The following MAPKAP1 variants were observed in gnomAD, a reference collection of about 807,000 sequenced individuals.
The protein encoded by MAPKAP1 is MAPK associated protein 1, also known as target of rapamycin complex 2 subunit MAPKAP1.
MAPKAP1 carries 20 observed loss-of-function variants against 65.7 expected under a neutral mutation model. That is an observed-to-expected ratio of 0.30 (90% confidence interval 0.21 to 0.44). The LOEUF (loss-of-function observed/expected upper bound fraction) is 0.44, where lower values mean the gene tolerates loss of function less well. Among genes scored for constraint, MAPKAP1 ranks in the 20% least tolerant of loss-of-function variants. The probability of loss-of-function intolerance (pLI) is 1.00; values close to 1 mark genes in which losing one functional copy is unlikely to be tolerated. For missense variants in MAPKAP1, 423 were observed against 648.0 expected, an observed-to-expected ratio of 0.65 and a Z score of 3.77; for synonymous variants, 222 against 244.3, an observed-to-expected ratio of 0.91 and a Z score of 0.85.
At chr9:125,449,488 G>A (rs980205170) in intron 10 of MAPKAP1, among the ~76,000 whole-genome samples, 5 of 152,128 alleles carry the variant, frequency 3.3e-5, no homozygotes, top group African/African-American at 7.2e-5. Flanking sequence ...GTATAAATGT[G>A]GCATCTAAGC....
intron 5 of MAPKAP1, among the ~76,000 whole-genome samples, chr9:125,566,615 T>C (rs1831063058): frequency 6.6e-6 from 1 of 151,852 alleles, no homozygotes; most frequent in Admixed American, 6.5e-5. Context: ...GACTTCTTCA[T>C]TCACTTGGAT....
At chr9:125,698,131 T>A (rs1835439238) in intron 1 of MAPKAP1, among the ~76,000 whole-genome samples, 1 of 151,104 alleles carries the variant, frequency 6.6e-6, no homozygotes, top group Non-Finnish European at 1.5e-5. Flanking sequence ...GTTTTGCTAC[T>A]CACGCATGCG....
In MAPKAP1 at chr9:125,447,251, A is replaced by G; in HGVS notation, c.1346-2653T>C. ...AGGAAGAGTGAAGCAGGTGAGGAGG[A>G]GGAAGAGTCCCAACATTCCCCCACT... On this transcript the variant is annotated intron_variant, in intron 10 of 11. Coordinates refer to ENST00000265960, the MANE Select transcript of MAPKAP1 (RefSeq NM_001006617.3). This position sits in a 1 kb window ranked among gnomAD's most constrained non-coding sequence, Gnocchi z 4.5. 2 of 381,786 alleles carry G rather than the reference A, an allele frequency of 5.2e-6. No individual in the cohort carries two copies. The highest frequency in any genetic ancestry group is 1.9e-5 in the South Asian group (1 of 52,006). 23.6% of individuals were successfully genotyped at this position (381,786 alleles called of 1,614,324 possible). A position where few individuals can be genotyped will look rare whatever the true frequency, so the allele number is the denominator to read the frequency against.
At chr9:125,522,248 G>A (rs1439795807) in intron 7 of MAPKAP1, among the ~76,000 whole-genome samples, 1 of 152,086 alleles carries the variant, frequency 6.6e-6, no homozygotes, top group African/African-American at 2.4e-5. Flanking sequence ...GCTCTTTTTT[G>A]CTTCTAATTT....
intron 7 of MAPKAP1, among the ~76,000 whole-genome samples, chr9:125,538,861 A>C (rs1830151556): frequency 6.6e-6 from 1 of 152,176 alleles, no homozygotes; most frequent in Non-Finnish European, 1.5e-5. Context: ...ATAGCTACAG[A>C]TACGTTATGG....
At chr9:125,578,854 G>C (rs960107595) in intron 5 of MAPKAP1, among the ~76,000 whole-genome samples, 1 of 152,188 alleles carries the variant, frequency 6.6e-6, no homozygotes, top group Non-Finnish European at 1.5e-5. Flanking sequence ...ATAGAAATAA[G>C]TAATTAAGGA....
intron 1 of MAPKAP1, among the ~76,000 whole-genome samples, chr9:125,705,949 AGC>A: frequency 6.6e-6 from 1 of 152,208 alleles, no homozygotes; most frequent in Admixed American, 6.5e-5. Context: ...GGTAACCAGG[AGC>A]CAGATTAGGA....
intron 4 of MAPKAP1, among the ~76,000 whole-genome samples, chr9:125,613,497 AG>A: frequency 6.6e-6 from 1 of 152,310 alleles, no homozygotes; most frequent in East Asian, 1.9e-4. Context: ...ACAACTGTGA[AG>A]GTCCATCCAG....
At chr9:125,609,624 A>G (rs1207000816) in intron 4 of MAPKAP1, among the ~76,000 whole-genome samples, 1 of 152,136 alleles carries the variant, frequency 6.6e-6, no homozygotes, top group Middle Eastern at 3.4e-3. Context: ...TAACTCAGGC[A>G]CTTGTCACCG....
At chr9:125,516,448 C>T (rs1447197637) in intron 7 of MAPKAP1, among the ~76,000 whole-genome samples, 3 of 152,108 alleles carry the variant, frequency 2.0e-5, no homozygotes, top group African/African-American at 4.8e-5. Context: ...GTAACAGAGC[C>T]TAAATAAGGA....
At chr9:125,451,814 T>TG (rs1356883502) in intron 10 of MAPKAP1, among the ~76,000 whole-genome samples, 1 of 150,146 alleles carries the variant, frequency 6.7e-6, no homozygotes, top group Non-Finnish European at 1.5e-5. Flanking sequence ...AGGAGTTTTT[T>TG]TTTTTTTTTT....
In MAPKAP1 at chr9:125,439,515, G is replaced by A. The variant is rs1233428225; in HGVS notation, c.1444-503C>T. On this transcript the variant is annotated intron_variant, in intron 11 of 11. Coordinates refer to ENST00000265960, the MANE Select transcript of MAPKAP1 (RefSeq NM_001006617.3). The surrounding 1 kb of genome is among the most constrained non-coding windows in gnomAD (Gnocchi z 4.0). ...CCACAGTGCTTCCTTCAGGGCTCATGAGTGCCCAGCCAGGCAGGGCTCACT... is the reference window on the plus strand; with the variant it reads ...CCACAGTGCTTCCTTCAGGGCTCATAAGTGCCCAGCCAGGCAGGGCTCACT... 6.6e-6 allele frequency among the ~76,000 whole-genome samples: 1 copy of A among 152,184 alleles called. No individual in the cohort carries two copies. Among genetic ancestry groups the A allele is most frequent in the Non-Finnish European group, 1.5e-5 (1 of 68,030 alleles).
At chr9:125,577,680 TGGGGGG>T (rs1361487635) in intron 5 of MAPKAP1, among the ~76,000 whole-genome samples, 221 of 12,684 alleles carry the variant, frequency 0.017, no homozygotes, top group South Asian at 0.035. Context: ...GGGAGGGAGG[TGGGGGG>T]GTCAGCCCCC....
chr9:125,447,581 C>T lies in MAPKAP1; in HGVS notation c.1346-2983G>A, dbSNP rs914963068. On this transcript the variant is annotated intron_variant, in intron 10 of 11. Coordinates refer to ENST00000265960, the MANE Select transcript of MAPKAP1 (RefSeq NM_001006617.3). This position sits in a 1 kb window ranked among gnomAD's most constrained non-coding sequence, Gnocchi z 4.5. ...GCGGGCGTTTCTGCCCCGAGTTCCC[C>T]TCGCTAGCAGCCCTGTTTCGCTGGG... The T allele has an allele frequency of 1.4e-5, 6 of 435,208 alleles. No individual in the cohort carries two copies. The highest frequency in any genetic ancestry group is 1.0e-4 in the African/African-American group (5 of 49,376). The allele number at this position is 435,208 out of a possible 1,614,324, so 27.0% of individuals were successfully genotyped here. A position where few individuals can be genotyped will look rare whatever the true frequency, so the allele number is the denominator to read the frequency against.
At chr9:125,544,752 G>A (rs1279766307) in intron 6 of MAPKAP1, among the ~76,000 whole-genome samples, 1 of 152,194 alleles carries the variant, frequency 6.6e-6, no homozygotes, top group Non-Finnish European at 1.5e-5. Context: ...CAAAAAACAT[G>A]GCAGAACTTC....
intron 7 of MAPKAP1, among the ~76,000 whole-genome samples, chr9:125,508,742 C>T (rs180983346): frequency 3.4e-4 from 52 of 152,170 alleles, no homozygotes; most frequent in African/African-American, 1.1e-3. Flanking sequence ...GTAGTCCCAG[C>T]TACTGGGGAG....
chr9:125,566,854 TA>T (rs1243703222), intron 5 of MAPKAP1, among the ~76,000 whole-genome samples: 1 of 152,172 alleles, frequency 6.6e-6, no homozygotes, highest in Non-Finnish European at 1.5e-5. Flanking sequence ...CTCTCCCCTC[TA>T]AACTCCAGAC....
At chr9:125,651,811 G>T (rs926853368) in intron 4 of MAPKAP1, among the ~76,000 whole-genome samples, 3 of 152,106 alleles carry the variant, frequency 2.0e-5, no homozygotes, top group Non-Finnish European at 4.4e-5. Context: ...GGTTACCCCC[G>T]CACCCCCACC....
At chr9:125,483,670 G>A (rs1362376066) in intron 9 of MAPKAP1, among the ~76,000 whole-genome samples, 2 of 152,180 alleles carry the variant, frequency 1.3e-5, no homozygotes, top group Admixed American at 1.3e-4. Context: ...GAGTTGGTCA[G>A]ACCAGGGTTT....
Sources: gnomAD v4.1 joint callset for allele counts (sites outside exome capture counted in the v4.1 genomes callset) on GRCh38, gnomAD v4.1.1 for gene constraint, Gnocchi (gnomAD v3.1) non-coding constraint, MANE v1.5 for transcripts, NCBI Gene and HGNC (gene_info 2026-07-23, HGNC 2026-07-21) for gene names.